AGAP1: variants seen among roughly 807,000 people sequenced by gnomAD.
The protein encoded by AGAP1 is ArfGAP with GTPase domain, ankyrin repeat and PH domain 1.
In AGAP1, 29 loss-of-function variants were observed where a neutral mutation model predicts 105.3. That is an observed-to-expected ratio of 0.28 (90% CI 0.21 to 0.38). The LOEUF is 0.38. AGAP1 is among the 10% of genes least tolerant of loss of function. The pLI, the probability that AGAP1 is intolerant of heterozygous loss-of-function variation, is 1.00. For synonymous variants in AGAP1, 509 were observed against 485.9 expected (o/e 1.05, Z -0.63); for missense variants, 998 against 1,165.1 (o/e 0.86, Z 2.09).
Position 236,096,238 on chromosome 2 carries a change from C to A in AGAP1, c.2115-23954C>A, listed in dbSNP as rs1047910290. Among the ~76,000 whole-genome samples the A allele has an allele frequency of 6.6e-6, 1 of 152,172 alleles. No individual in the cohort carries two copies. The highest frequency in any genetic ancestry group is 1.5e-5 in the Non-Finnish European group (1 of 68,034). The stretch of plus-strand genomic sequence containing the variant: ...AATGTCAGCCAGGCACAGTGGCTCA[C>A]GCCTGTAATCCCAGCACTTCGGGAG... On this transcript the variant is annotated intron_variant, in intron 16 of 17. Coordinates refer to ENST00000304032, the MANE Select transcript of AGAP1 (RefSeq NM_001037131.3). The surrounding 1 kb of genome is among the most constrained non-coding windows in gnomAD (Gnocchi z 4.4).
rs146444570 is a variant in AGAP1 at position 236,082,850 on chromosome 2, G to A, written c.2114+33569G>A. ...GATTGCACCCATTGCACTCCAGCCT[G>A]GAGGACAAGAGCAAAACTCCATCAG... On this transcript the variant is annotated intron_variant, in intron 16 of 17. Transcript: ENST00000304032. The surrounding 1 kb of genome is among the most constrained non-coding windows in gnomAD (Gnocchi z 4.2). Among the ~76,000 whole-genome samples the A allele has an allele frequency of 6.7e-5, 10 of 149,628 alleles. No homozygotes were observed. Among genetic ancestry groups the A allele is most frequent in the Non-Finnish European group, 1.3e-4 (9 of 67,524 alleles).
Position 235,611,913 on chromosome 2 carries a change from A to G in AGAP1, c.164-97266A>G, listed in dbSNP as rs1881188. The stretch of plus-strand genomic sequence containing the variant: ...GTGACTGGGAGCATTGCTGTTTGGC[A>G]TGCTTGTGGGCACGGTTTAAGGGTT... On this transcript the variant is annotated intron_variant, in intron 1 of 17. Transcript: ENST00000304032. The surrounding 1 kb of genome is among the most constrained non-coding windows in gnomAD (Gnocchi z 5.0). Among the ~76,000 whole-genome samples the G allele has an allele frequency of 0.62, 94,155 of 151,992 alleles. 30,451 individuals carry two copies. The highest frequency in any genetic ancestry group is 0.8 in the African/African-American group (33,317 of 41,454).
chr2:235,607,664 C>G (rs72988921), intron 1 of AGAP1, among the ~76,000 whole-genome samples: 27,175 of 152,174 alleles, frequency 0.18, 2,876 homozygotes, highest in Non-Finnish European at 0.24. Context: ...AAGAGGACAG[C>G]TTTGAGCCTC....
At chr2:235,678,062 C>G (rs540809522) in intron 1 of AGAP1, among the ~76,000 whole-genome samples, 6 of 151,654 alleles carry the variant, frequency 4.0e-5, no homozygotes, top group Admixed American at 1.3e-4. Context: ...GCCTCAGGAG[C>G]GGGCGCAGTC....
intron 1 of AGAP1, among the ~76,000 whole-genome samples, chr2:235,503,454 C>T (rs34926940): frequency 0.6 from 91,369 of 151,952 alleles, 28,394 homozygotes; most frequent in South Asian, 0.72. Context: ...GTGTGATTGG[C>T]GGGGAACAGC....
At position 235,686,554 on chromosome 2, in the gene AGAP1, TATACACAC is replaced by T. The variant is rs1422858343; in HGVS notation, c.164-22623_164-22616del. Among the ~76,000 whole-genome samples the T allele has an allele frequency of 3.9e-4, 20 of 51,390 alleles. No homozygotes were observed. In the South Asian group the frequency reaches 6.7e-3, roughly 17 times the overall value. 33.7% of individuals were successfully genotyped at this position (51,390 alleles called of 152,430 possible). ...CTGGTTCCCAGGAAGGAGATATATA[TATACACAC>T]ACACACACACACACACACACACACA... is the stretch of plus-strand genomic sequence containing the variant. On this transcript the variant is annotated intron_variant, in intron 1 of 17. Transcript: ENST00000304032.
At chr2:235,833,201 G>A (rs1959658552) in intron 9 of AGAP1, among the ~76,000 whole-genome samples, 1 of 152,240 alleles carries the variant, frequency 6.6e-6, no homozygotes, top group South Asian at 2.1e-4. Flanking sequence ...TGCTGTGGAA[G>A]CACCGTCGGC....
intron 6 of AGAP1, among the ~76,000 whole-genome samples, chr2:235,785,174 T>G (rs1242177322): frequency 6.6e-6 from 1 of 152,222 alleles, no homozygotes; most frequent in African/African-American, 2.4e-5. Flanking sequence ...TAAGGATAAT[T>G]ATTTCTGGAA....
intron 16 of AGAP1, among the ~76,000 whole-genome samples, chr2:236,064,440 AC>A (rs1021692717): frequency 2.0e-5 from 3 of 152,084 alleles, no homozygotes; most frequent in African/African-American, 7.2e-5. Flanking sequence ...AAAAAAAAAT[AC>A]AAAAATTGGC....
At position 235,494,532 on chromosome 2, in the gene AGAP1, T is replaced by G. The variant is rs1397904488; in HGVS notation, c.-155T>G. 2.1e-5 allele frequency: 3 copies of G among 141,742 alleles called. No homozygotes were observed. The highest frequency in any genetic ancestry group is 7.8e-5 in the African/African-American group (3 of 38,414). 8.8% of individuals were successfully genotyped at this position (141,742 alleles called of 1,614,324 possible). ...GCCCGCGGGCCAGCCCCGCGCCTGC[T>G]CCGCCCGCGCCTTTCTTCTCGCGCC... On this transcript the variant is annotated 5_prime_UTR_variant, in exon 1 of 18. Transcript: ENST00000304032.
rs1952293878 is a variant in AGAP1 at position 235,736,994 on chromosome 2, CCTT to C, written c.311-3966_311-3964del. On this transcript the variant is annotated intron_variant, in intron 3 of 17. Coordinates refer to ENST00000304032, the MANE Select transcript of AGAP1 (RefSeq NM_001037131.3). The surrounding 1 kb of genome is among the most constrained non-coding windows in gnomAD (Gnocchi z 5.5). ...AACGATGCTGTCATCCTAAGGCTCTCCTTCTGTGGTTAAAGTGGTTCAAGTGTA... is the reference window on the plus strand; with the variant it reads ...AACGATGCTGTCATCCTAAGGCTCTCCTGTGGTTAAAGTGGTTCAAGTGTA... Among the ~76,000 whole-genome samples, 2 of 152,292 alleles carry C rather than the reference CCTT, an allele frequency of 1.3e-5. No individual in the cohort carries two copies. The highest frequency in any genetic ancestry group is 2.4e-5 in the African/African-American group (1 of 41,576).
At chr2:235,846,178 T>A (rs1460873895) in intron 9 of AGAP1, among the ~76,000 whole-genome samples, 1 of 152,184 alleles carries the variant, frequency 6.6e-6, no homozygotes, top group South Asian at 2.1e-4. Context: ...TGTTGGAAAT[T>A]TCGATCTAGG....
chr2:235,759,582 C>T (rs1954265135), intron 6 of AGAP1, among the ~76,000 whole-genome samples: 1 of 152,222 alleles, frequency 6.6e-6, no homozygotes, highest in Non-Finnish European at 1.5e-5. Flanking sequence ...GGGAGAGGTG[C>T]AGACCTGCTG....
intron 1 of AGAP1, among the ~76,000 whole-genome samples, chr2:235,563,024 G>A (rs1451086569): frequency 6.6e-6 from 1 of 152,080 alleles, no homozygotes; most frequent in African/African-American, 2.4e-5. Flanking sequence ...ACACCAGCCT[G>A]GGGCAACAGA....
Position 235,578,309 on chromosome 2 carries a change from A to G in AGAP1, c.163+83460A>G, listed in dbSNP as rs1299910201. Among the ~76,000 whole-genome samples, 2 of 152,020 alleles carry G rather than the reference A, an allele frequency of 1.3e-5. No homozygotes were observed. Among genetic ancestry groups the G allele is most frequent in the South Asian group, 2.1e-4 (1 of 4,820 alleles). ...GGACCTGACCTCTCCTCAAACTACAACCTAAGAACCACAATGCCTGTTCCC... is the reference window on the plus strand; with the variant it reads ...GGACCTGACCTCTCCTCAAACTACAGCCTAAGAACCACAATGCCTGTTCCC... On this transcript the variant is annotated intron_variant, in intron 1 of 17. Transcript: ENST00000304032. This position sits in a 1 kb window ranked among gnomAD's most constrained non-coding sequence, Gnocchi z 4.9.
chr2:235,756,424 C>G (rs1953931464), intron 6 of AGAP1, among the ~76,000 whole-genome samples: 1 of 152,062 alleles, frequency 6.6e-6, no homozygotes, highest in African/African-American at 2.4e-5. Context: ...GCCCCTGATT[C>G]CTAAAGAAAG....
chr2:235,517,969 A>G lies in AGAP1; in HGVS notation c.163+23120A>G, dbSNP rs4663602. 0.89 allele frequency among the ~76,000 whole-genome samples: 133,582 copies of G among 150,628 alleles called. 59,562 individuals carry two copies. Among genetic ancestry groups the G allele is most frequent in the East Asian group, 0.99 (5,037 of 5,108 alleles). Reference sequence around the variant, plus strand: ...AAAAGAAAAAAAAAAGGTAGAACTCATAGTTGCCATTGAGGTCTGAGTCCC... The same window carrying G: ...AAAAGAAAAAAAAAAGGTAGAACTCGTAGTTGCCATTGAGGTCTGAGTCCC... On this transcript the variant is annotated intron_variant, in intron 1 of 17. Coordinates refer to ENST00000304032, the MANE Select transcript of AGAP1 (RefSeq NM_001037131.3). The surrounding 1 kb of genome is among the most constrained non-coding windows in gnomAD (Gnocchi z 4.1).
At chr2:235,785,822 G>GT (rs1956594990) in intron 6 of AGAP1, among the ~76,000 whole-genome samples, 1 of 152,110 alleles carries the variant, frequency 6.6e-6, no homozygotes, top group African/African-American at 2.4e-5. Flanking sequence ...ATACCACCAT[G>GT]TTTATCTGCA....
intron 1 of AGAP1, among the ~76,000 whole-genome samples, chr2:235,637,303 T>C (rs1947036249): frequency 6.6e-6 from 1 of 152,132 alleles, no homozygotes; most frequent in South Asian, 2.1e-4. Context: ...AGCCTTACTC[T>C]GTCACCCAGG....
Sources: allele counts gnomAD v4.1 joint callset (sites outside exome capture counted in the v4.1 genomes callset), GRCh38; gene constraint gnomAD v4.1.1; non-coding constraint Gnocchi (gnomAD v3.1); transcripts MANE v1.5; gene names NCBI Gene and HGNC (gene_info 2026-07-23, HGNC 2026-07-21).